Variants in NSL1 observed in about 807,000 individuals in gnomAD.
NSL1 encodes kinetochore-associated protein NSL1 homolog.
A neutral mutation model predicts 25.4 loss-of-function variants in NSL1; 11 were observed. That is an observed-to-expected ratio of 0.43 (90% CI 0.27 to 0.72). The LOEUF is 0.72. Ranked by LOEUF, NSL1 falls within the 30% of genes least tolerant of loss-of-function variation. The probability of loss-of-function intolerance (pLI) is 0.19; values close to 1 mark genes in which losing one functional copy is unlikely to be tolerated. For missense variants in NSL1, 330 were observed against 342.7 expected (o/e 0.96, Z 0.29); for synonymous variants, 118 against 120.6 (o/e 0.98, Z 0.14).
Position 212,782,398 on chromosome 1 carries a change from A to C in NSL1, c.473T>G (p.Leu158Arg), listed in dbSNP as rs1039864944. ...LKQYHPVVHP[L>R]DLKYDPDPAP... ...TGGATCAGGGTCATATTTTAGGTCC[A>C]GTGGATGTACAACAGGGTGGTACTG... The change falls in exon 4 of 6, where the codon CTG (leucine) becomes CGG (arginine). Residue 158 changes from leucine (L) to arginine (R), a missense_variant. By Grantham distance (102) the Leu-to-Arg change is moderately radical (BLOSUM62 -2). Transcript: ENST00000366977. 9.3e-6 allele frequency: 15 copies of C among 1,611,584 alleles called. No homozygotes were observed. The highest frequency in any genetic ancestry group is 3.4e-6 in the Non-Finnish European group (4 of 1,177,816).
At chr1:212,791,083 T>A (rs182057956) in intron 1 of NSL1, among the ~76,000 whole-genome samples, 1 of 152,202 alleles carries the variant, frequency 6.6e-6, no homozygotes, top group South Asian at 2.1e-4. Flanking sequence ...CTAGCCACTT[T>A]GTAGTTACTG....
At chr1:212,763,690 T>C (rs1194010443) in intron 4 of NSL1, among the ~76,000 whole-genome samples, 6 of 152,148 alleles carry the variant, frequency 3.9e-5, no homozygotes, top group Non-Finnish European at 8.8e-5. Flanking sequence ...CAAAGAAGGA[T>C]GTTATACAAT....
Position 212,738,267 on chromosome 1 carries a change from G to T in NSL1, c.*141C>A. ...CAATATTATATCATATCCCCGCACA[G>T]AGATACTATATCTGTATAAATGAAT... On this transcript the variant is annotated 3_prime_UTR_variant, in exon 6 of 6. Transcript: ENST00000366977. 1 of 1,432,562 alleles carries T rather than the reference G, an allele frequency of 7.0e-7. No individual in the cohort carries two copies. 88.7% of individuals were successfully genotyped at this position (1,432,562 alleles called of 1,614,324 possible).
chr1:212,785,037 ATAAAG>A (rs1459068062), intron 2 of NSL1, among the ~76,000 whole-genome samples: 4 of 152,224 alleles, frequency 2.6e-5, no homozygotes, highest in Admixed American at 2.6e-4. Flanking sequence ...TGGCTACAGA[ATAAAG>A]TAAAGGAGAA....
chr1:212,766,135 C>CAAAAAA (rs773995954), intron 4 of NSL1: 2 of 282,214 alleles, frequency 7.1e-6, no homozygotes, highest in African/African-American at 3.6e-5. Context: ...GACTCCATCT[C>CAAAAAA]AAAAAAAAAA....
chr1:212,737,268 A>C lies in NSL1; in HGVS notation c.*1140T>G, dbSNP rs577089769. ...CAAAATGCAACAAAGTGGCTTTATA[A>C]GTTTTCTTCACTGAGACAGACCTTC... On this transcript the variant is annotated 3_prime_UTR_variant, in exon 6 of 6. Transcript: ENST00000366977. 1 of 985,348 alleles carries C rather than the reference A, an allele frequency of 1.0e-6. No individual in the cohort carries two copies. The highest frequency in any genetic ancestry group is 4.7e-5 in the South Asian group (1 of 21,290). The allele number at this position is 985,348 out of a possible 1,614,324, so 61.0% of individuals were successfully genotyped here. A position where few individuals can be genotyped will look rare whatever the true frequency, so the allele number is the denominator to read the frequency against.
intron 4 of NSL1, among the ~76,000 whole-genome samples, chr1:212,753,209 G>C (rs1659147825): frequency 6.6e-6 from 1 of 152,178 alleles, no homozygotes; most frequent in South Asian, 2.1e-4. Flanking sequence ...TCAGTACCAT[G>C]TTGCACCTCT....
rs773273972 is a variant in NSL1 at position 212,738,668 on chromosome 1, C to T, written c.586G>A (p.Glu196Lys). Residue 196 changes from glutamate to lysine, a missense_variant, in exon 6 of 6, where the codon GAA becomes AAA. Physicochemically the swap from Glu to Lys is moderately conservative, Grantham distance 56. Transcript: ENST00000366977. ...EAMKSLPALI[E>K]QGEGFSQVLR... ...ACTTGGGAAAATCCCTCTCCTTGTT[C>T]AATTAATGCAGGCAAGGACTTCAAA... 1 of 1,613,508 alleles carries T rather than the reference C, an allele frequency of 6.2e-7. No individual in the cohort carries two copies. The highest frequency in any genetic ancestry group is 1.3e-5 in the African/African-American group (1 of 74,994).
At position 212,760,664 on chromosome 1, in the gene NSL1, C is replaced by T. The variant is rs976343412; in HGVS notation, c.500-21063G>A. 7.2e-5 allele frequency among the ~76,000 whole-genome samples: 11 copies of T among 152,096 alleles called. No individual in the cohort carries two copies. Among genetic ancestry groups the T allele is most frequent in the Non-Finnish European group, 1.0e-4 (7 of 68,002 alleles). ...TGCTGCCTGGGGGCCTGACGGTTGA[C>T]CCGCCACTGCTACTGCCATCACCAA... On this transcript the variant is annotated intron_variant, in intron 4 of 5. Transcript: ENST00000366977. This position sits in a 1 kb window ranked among gnomAD's most constrained non-coding sequence, Gnocchi z 4.3.
rs982222186 is a variant in NSL1 at position 212,727,750 on chromosome 1, A to G, written c.*10658T>C. The G allele has an allele frequency of 1.5e-5, 15 of 984,584 alleles. No homozygotes were observed. Among genetic ancestry groups the G allele is most frequent in the Non-Finnish European group, 1.7e-5 (14 of 829,124 alleles). 61.0% of individuals were successfully genotyped at this position (984,584 alleles called of 1,614,324 possible). On this transcript the variant is annotated 3_prime_UTR_variant, in exon 6 of 6. Transcript: ENST00000366977. ...CCCAAGAAATTAACAGCAAAAGTTC[A>G]TATTTAACCTCATTAAGATAATAAA...
At chr1:212,772,838 T>A (rs1191406760) in intron 4 of NSL1, among the ~76,000 whole-genome samples, 1 of 152,088 alleles carries the variant, frequency 6.6e-6, no homozygotes, top group African/African-American at 2.4e-5. Context: ...TAACATGATA[T>A]TGGTATTTAA....
intron 4 of NSL1, among the ~76,000 whole-genome samples, chr1:212,779,145 A>G (rs1244277019): frequency 4.6e-3 from 488 of 107,162 alleles, no homozygotes; most frequent in African/African-American, 8.1e-3. Context: ...CATCTGAGAA[A>G]TGAGGAGCCC....
At chr1:212,782,634 C>T (rs1296333531) in intron 3 of NSL1, among the ~76,000 whole-genome samples, 1 of 152,100 alleles carries the variant, frequency 6.6e-6, no homozygotes, top group Non-Finnish European at 1.5e-5. Flanking sequence ...CCACCTGCTG[C>T]ATATACTAAG....
intron 5 of NSL1, among the ~76,000 whole-genome samples, chr1:212,738,909 C>T (rs746502996): frequency 8.5e-5 from 13 of 152,174 alleles, no homozygotes; most frequent in South Asian, 8.3e-4. Context: ...ACTACAGGCG[C>T]GCACCACCAC....
intron 4 of NSL1, among the ~76,000 whole-genome samples, chr1:212,767,336 T>C (rs776666250): frequency 4.6e-5 from 7 of 151,906 alleles, no homozygotes; most frequent in Non-Finnish European, 8.8e-5. Context: ...AAACATAAAG[T>C]GGGGAAAGGA....
chr1:212,758,348 GAAAGA>G (rs1659409516), intron 4 of NSL1, among the ~76,000 whole-genome samples: 1 of 152,132 alleles, frequency 6.6e-6, no homozygotes, highest in African/African-American at 2.4e-5. Flanking sequence ...ATCCAGATTA[GAAAGA>G]AAAGAAGTAA....
chr1:212,728,356 A>C lies in NSL1; in HGVS notation c.*10052T>G. 1 of 985,464 alleles carries C rather than the reference A, an allele frequency of 1.0e-6. No homozygotes were observed. The highest frequency in any genetic ancestry group is 1.2e-6 in the Non-Finnish European group (1 of 829,936). The allele number at this position is 985,464 out of a possible 1,614,324, so 61.0% of individuals were successfully genotyped here. The stretch of plus-strand genomic sequence containing the variant: ...GCCTGTTTTAAAAATATGCTGCTTT[A>C]AACAGTTCTACAATTCACGCTATTT... On this transcript the variant is annotated 3_prime_UTR_variant, in exon 6 of 6. Coordinates refer to ENST00000366977, the MANE Select transcript of NSL1 (RefSeq NM_015471.4).
intron 4 of NSL1, among the ~76,000 whole-genome samples, chr1:212,747,305 T>G (rs1432703616): frequency 6.6e-6 from 1 of 152,220 alleles, no homozygotes; most frequent in Non-Finnish European, 1.5e-5. Context: ...ACTTCTGTCT[T>G]GGGTATTCAT....
Position 212,726,955 on chromosome 1 carries a change from G to T in NSL1, c.*11453C>A. 1 of 554,276 alleles carries T rather than the reference G, an allele frequency of 1.8e-6. No homozygotes were observed. The highest frequency in any genetic ancestry group is 3.0e-6 in the Non-Finnish European group (1 of 332,614). 34.3% of individuals were successfully genotyped at this position (554,276 alleles called of 1,614,324 possible). A position where few individuals can be genotyped will look rare whatever the true frequency, so the allele number is the denominator to read the frequency against. On this transcript the variant is annotated 3_prime_UTR_variant, in exon 6 of 6. Coordinates refer to ENST00000366977, the MANE Select transcript of NSL1 (RefSeq NM_015471.4). ...CCCGTCCTGTCTCTTCATGGTGGGTGAAGAGCACAGGGAGAGTGTGCTTCC... is the reference window on the plus strand; with the variant it reads ...CCCGTCCTGTCTCTTCATGGTGGGTTAAGAGCACAGGGAGAGTGTGCTTCC...
Sources: gnomAD v4.1 joint callset for allele counts (sites outside exome capture counted in the v4.1 genomes callset) on GRCh38, gnomAD v4.1.1 for gene constraint, Gnocchi (gnomAD v3.1) non-coding constraint, MANE v1.5 for transcripts, NCBI Gene and HGNC (gene_info 2026-07-23, HGNC 2026-07-21) for gene names.